Variants in RAB27B observed in about 807,000 individuals in gnomAD.
RAB27B encodes the protein ras-related protein Rab-27B.
In RAB27B, 15 loss-of-function variants were observed where a neutral mutation model predicts 24.6. That is an observed-to-expected ratio of 0.61 (90% CI 0.41 to 0.94). RAB27B has a LOEUF of 0.94. RAB27B is among the 40% of genes least tolerant of loss of function. The pLI is 0.00. For missense variants in RAB27B, 261 were observed against 266.8 expected, an observed-to-expected ratio of 0.98 and a Z score of 0.15; for synonymous variants, 105 against 92.5, an observed-to-expected ratio of 1.14 and a Z score of -0.78.
chr18:54,773,959 T>C (rs1196456119), intron 2 of RAB27B, among the ~76,000 whole-genome samples: 1 of 152,216 alleles, frequency 6.6e-6, no homozygotes, highest in Non-Finnish European at 1.5e-5. Flanking sequence ...ATTACAGGCA[T>C]GAGACATCGC....
rs1417697520 is a variant in RAB27B, at chr18:54,895,175, T to C, written c.*5762T>C. 2.0e-5 allele frequency: 3 copies of C among 152,168 alleles called. No homozygotes were observed. Among genetic ancestry groups the C allele is most frequent in the Admixed American group, 2.0e-4 (3 of 15,256 alleles). The allele number at this position is 152,168 out of a possible 1,614,324, so 9.4% of individuals were successfully genotyped here. A position where few individuals can be genotyped will look rare whatever the true frequency, so the allele number is the denominator to read the frequency against. ...TCTAATATAACACTGAAGTGCTTCATTGTATCCCAACAGTTTACCTTCAAG... is the reference window on the plus strand; with the variant it reads ...TCTAATATAACACTGAAGTGCTTCACTGTATCCCAACAGTTTACCTTCAAG... On this transcript the variant is annotated 3_prime_UTR_variant, in exon 6 of 6. Coordinates refer to ENST00000262094, the MANE Select transcript of RAB27B (RefSeq NM_004163.4).
chr18:54,823,898 A>G (rs1229114237), upstream of RAB27B, among the ~76,000 whole-genome samples: 1 of 152,220 alleles, frequency 6.6e-6, no homozygotes, highest in African/African-American at 2.4e-5. Flanking sequence ...ATCAAAATCT[A>G]CAGTTCTTGT....
chr18:54,750,996 G>A (rs1190659279), intron 2 of RAB27B, among the ~76,000 whole-genome samples: 1 of 152,176 alleles, frequency 6.6e-6, no homozygotes, highest in African/African-American at 2.4e-5. Flanking sequence ...AAAGTTGTAA[G>A]TGGAGAGGAA....
chr18:54,850,333 G>GAGATAT (rs869079784), intron 1 of RAB27B, among the ~76,000 whole-genome samples: 1 of 95,156 alleles, frequency 1.1e-5, no homozygotes, highest in African/African-American at 4.7e-5. Flanking sequence ...AAACAAACAG[G>GAGATAT]ATATATATAT....
chr18:54,768,576 C>G (rs1438285514), intron 2 of RAB27B, among the ~76,000 whole-genome samples: 1 of 152,092 alleles, frequency 6.6e-6, no homozygotes. Context: ...CAATCTAACT[C>G]TCATGTTTTT....
intron 1 of RAB27B, among the ~76,000 whole-genome samples, chr18:54,837,001 C>G (rs1461344387): frequency 6.9e-6 from 1 of 144,024 alleles, no homozygotes; most frequent in East Asian, 2.1e-4. Flanking sequence ...TGATTTTTTG[C>G]TTAAAACATT....
At chr18:54,783,863 G>C (rs1311768490) in intron 2 of RAB27B, among the ~76,000 whole-genome samples, 1 of 152,036 alleles carries the variant, frequency 6.6e-6, no homozygotes, top group African/African-American at 2.4e-5. Flanking sequence ...AGAGCAGCCA[G>C]ACTCTGGACT....
chr18:54,727,404 A>T (rs1370578248), intron 2 of RAB27B, among the ~76,000 whole-genome samples: 2 of 152,206 alleles, frequency 1.3e-5, no homozygotes, highest in African/African-American at 4.8e-5. Context: ...AATTTTGGAA[A>T]GCTAACTTTG....
At chr18:54,885,175 T>G (rs1913081879) in intron 4 of RAB27B, among the ~76,000 whole-genome samples, 1 of 152,232 alleles carries the variant, frequency 6.6e-6, no homozygotes, top group Admixed American at 6.5e-5. Flanking sequence ...TATTTTTTAT[T>G]ACAAATAAGA....
chr18:54,840,535 G>A (rs2145199546), intron 1 of RAB27B, among the ~76,000 whole-genome samples: 1 of 152,296 alleles, frequency 6.6e-6, no homozygotes, highest in African/African-American at 2.4e-5. Flanking sequence ...TGTGACCCAA[G>A]TGGATGGCAG....
chr18:54,820,784 A>G (rs531799353), intron 2 of RAB27B, among the ~76,000 whole-genome samples: 1 of 152,308 alleles, frequency 6.6e-6, no homozygotes, highest in East Asian at 1.9e-4. Flanking sequence ...ACCTTGAATT[A>G]ATTTTTGCAT....
intron 2 of RAB27B, among the ~76,000 whole-genome samples, chr18:54,804,663 G>A (rs1318656633): frequency 6.6e-6 from 1 of 152,144 alleles, no homozygotes; most frequent in Non-Finnish European, 1.5e-5. Context: ...CAAAAATTAA[G>A]AGCCATGAAA....
At chr18:54,885,654 A>AG (rs1913104821) in intron 4 of RAB27B, among the ~76,000 whole-genome samples, 1 of 152,122 alleles carries the variant, frequency 6.6e-6, no homozygotes, top group Non-Finnish European at 1.5e-5. Flanking sequence ...CACACTTTAT[A>AG]GGTCATGGCC....
At chr18:54,832,921 A>T (rs1202662358) in intron 1 of RAB27B, among the ~76,000 whole-genome samples, 1 of 152,228 alleles carries the variant, frequency 6.6e-6, no homozygotes. Flanking sequence ...ATAGCATTTC[A>T]CCTAATTCTA....
At chr18:54,806,435 CA>C (rs1047929231) in intron 2 of RAB27B, among the ~76,000 whole-genome samples, 4 of 147,412 alleles carry the variant, frequency 2.7e-5, no homozygotes, top group African/African-American at 9.9e-5. Flanking sequence ...CAAATGAATA[CA>C]TATATATAAT....
chr18:54,873,418 GC>G (rs1912556631), intron 1 of RAB27B, among the ~76,000 whole-genome samples: 1 of 152,094 alleles, frequency 6.6e-6, no homozygotes, highest in Non-Finnish European at 1.5e-5. Context: ...CAGTCTTCTG[GC>G]CTTTTCTTCC....
chr18:54,854,255 A>AG (rs1223311950), intron 1 of RAB27B, among the ~76,000 whole-genome samples: 2 of 152,218 alleles, frequency 1.3e-5, no homozygotes, highest in Non-Finnish European at 2.9e-5. Context: ...AAGGGAAGAC[A>AG]GGGGCTTGAC....
At chr18:54,840,732 C>A (rs1016911394) in intron 1 of RAB27B, among the ~76,000 whole-genome samples, 10 of 152,122 alleles carry the variant, frequency 6.6e-5, no homozygotes, top group African/African-American at 2.4e-4. Flanking sequence ...GTTTCTAAGT[C>A]CATCCTCAGG....
chr18:54,811,208 G>A (rs1296608411), intron 2 of RAB27B, among the ~76,000 whole-genome samples: 1 of 152,110 alleles, frequency 6.6e-6, no homozygotes, highest in Non-Finnish European at 1.5e-5. Context: ...GAACTCAATA[G>A]TATCTGAGAT....
Sources: allele counts gnomAD v4.1 joint callset (sites outside exome capture counted in the v4.1 genomes callset), GRCh38; gene constraint gnomAD v4.1.1; transcripts MANE v1.5; gene names NCBI Gene and HGNC (gene_info 2026-07-23, HGNC 2026-07-21).